The following ASZ1 variants were observed in gnomAD, a reference collection of about 807,000 sequenced individuals.
The protein encoded by ASZ1 is ankyrin repeat, SAM and basic leucine zipper domain containing 1.
In ASZ1, 67 loss-of-function variants were observed where a neutral mutation model predicts 61.8. That is an observed-to-expected ratio of 1.08 (90% CI 0.89 to 1.33). The LOEUF (loss-of-function observed/expected upper bound fraction) is 1.33, where lower values mean the gene tolerates loss of function less well. Ranked by LOEUF, ASZ1 falls within the 40% of genes most tolerant of loss-of-function variation. ASZ1 has a pLI of 0.00. For missense variants in ASZ1, 577 were observed against 554.5 expected (o/e 1.04, Z -0.41); for synonymous variants, 193 against 192.7 (o/e 1.00, Z -0.01).
intron 5 of ASZ1, among the ~76,000 whole-genome samples, 187 bp from the exon 6 acceptor site, chr7:117,385,047 T>A (rs1180647853): frequency 6.6e-6 from 1 of 152,194 alleles, no homozygotes; most frequent in Non-Finnish European, 1.5e-5. Context: ...CAAAGCTGAC[T>A]GCAAAGCTCA....
chr7:117,385,233 T>G (rs919411671), intron 5 of ASZ1, among the ~76,000 whole-genome samples: 5 of 151,518 alleles, frequency 3.3e-5, no homozygotes, highest in Non-Finnish European at 7.4e-5. Context: ...ACTACGAGAG[T>G]CAGTTAATTC....
chr7:117,368,467 T>C (rs1262016518), intron 11 of ASZ1, 145 bp downstream of exon 11: 48 of 1,388,464 alleles, frequency 3.5e-5, no homozygotes, highest in Non-Finnish European at 4.4e-5. Context: ...ATTAAACAAA[T>C]TGACTTATTT....
chr7:117,413,297 C>T (rs1246260543), intron 4 of ASZ1, among the ~76,000 whole-genome samples: 45 of 151,968 alleles, frequency 3.0e-4, no homozygotes, highest in Non-Finnish European at 1.5e-5. Flanking sequence ...TTGAAAGGCA[C>T]TTAAATACTT....
At chr7:117,377,738 A>G (rs1262809135) in intron 10 of ASZ1, among the ~76,000 whole-genome samples, 2 of 152,132 alleles carry the variant, frequency 1.3e-5, no homozygotes, top group Non-Finnish European at 2.9e-5. Context: ...TAGAAGAGCC[A>G]AGATGATTTT....
At chr7:117,385,157 T>C (rs541614230) in intron 5 of ASZ1, among the ~76,000 whole-genome samples, 1 of 152,330 alleles carries the variant, frequency 6.6e-6, no homozygotes, top group East Asian at 1.9e-4. Flanking sequence ...AAAATAATTC[T>C]TATGTATATT....
intron 4 of ASZ1, among the ~76,000 whole-genome samples, chr7:117,405,458 G>A (rs1027350080): frequency 8.5e-5 from 13 of 152,170 alleles, no homozygotes; most frequent in Non-Finnish European, 1.8e-4. Context: ...CTATCACAGC[G>A]TGGGCATGTG....
chr7:117,382,769 A>T (rs902210647), intron 7 of ASZ1, among the ~76,000 whole-genome samples: 1 of 152,148 alleles, frequency 6.6e-6, no homozygotes, highest in Non-Finnish European at 1.5e-5. Context: ...TATCTTACTT[A>T]AAGTTTACAT....
intron 5 of ASZ1, 73 bp from the exon 6 acceptor site, chr7:117,384,933 C>T: frequency 7.5e-7 from 1 of 1,329,300 alleles, no homozygotes; most frequent in African/African-American, 1.5e-5. Context: ...AAGTTTTCAA[C>T]AGTATTTATG....
At chr7:117,422,955 G>C (rs970422867) in intron 2 of ASZ1, among the ~76,000 whole-genome samples, 1 of 152,120 alleles carries the variant, frequency 6.6e-6, no homozygotes, top group African/African-American at 2.4e-5. Context: ...TATTGAGAAT[G>C]GGACAGGAGG....
chr7:117,419,200 G>A (rs1797054504), intron 4 of ASZ1, among the ~76,000 whole-genome samples: 1 of 152,002 alleles, frequency 6.6e-6, no homozygotes, highest in Admixed American at 6.6e-5. Flanking sequence ...GTATTTCTCA[G>A]GTATAACAAT....
chr7:117,366,327 A>C (rs1795935553), intron 12 of ASZ1, among the ~76,000 whole-genome samples: 1 of 152,186 alleles, frequency 6.6e-6, no homozygotes, highest in African/African-American at 2.4e-5. Flanking sequence ...ACAATTTATT[A>C]ATACTTGGAA....
intron 2 of ASZ1, among the ~76,000 whole-genome samples, chr7:117,423,152 C>T (rs888792181): frequency 1.3e-4 from 19 of 151,982 alleles, no homozygotes; most frequent in African/African-American, 4.6e-4. Flanking sequence ...CTTGGACAAT[C>T]GAATGACAAG....
chr7:117,426,823 C>T lies in ASZ1; in HGVS notation c.205+13G>A. ...ACAGCTGTGTTCAGATGAAACTGTCCCTTATCTCTCACCAGAATCTAGGAG... is the reference window on the plus strand; with the variant it reads ...ACAGCTGTGTTCAGATGAAACTGTCTCTTATCTCTCACCAGAATCTAGGAG... On this transcript the variant is annotated intron_variant, in intron 2 of 12. Coordinates refer to ENST00000284629, the MANE Select transcript of ASZ1 (RefSeq NM_130768.3). 6.3e-7 allele frequency: 1 copy of T among 1,586,978 alleles called. No homozygotes were observed. Among genetic ancestry groups the T allele is most frequent in the South Asian group, 1.2e-5 (1 of 85,842 alleles).
chr7:117,412,039 A>AGTGTGTATGTAT (rs561983723), intron 4 of ASZ1, among the ~76,000 whole-genome samples: 3,378 of 128,398 alleles, frequency 0.026, 47 homozygotes, highest in East Asian at 0.073. Context: ...AGTGAAAAGA[A>AGTGTGTATGTAT]GTGTGTGTGT....
At chr7:117,400,097 T>A (rs1027270712) in intron 4 of ASZ1, among the ~76,000 whole-genome samples, 2 of 152,240 alleles carry the variant, frequency 1.3e-5, no homozygotes, top group Non-Finnish European at 2.9e-5. Flanking sequence ...CACGTCTCTG[T>A]ACTGGGGTAA....
intron 6 of ASZ1, among the ~76,000 whole-genome samples, chr7:117,384,282 T>C (rs1796307480): frequency 6.6e-6 from 1 of 152,116 alleles, no homozygotes; most frequent in Non-Finnish European, 1.5e-5. Context: ...GTAAGCCCTG[T>C]CACACATATA....
chr7:117,367,758 A>G (rs1795971048), intron 11 of ASZ1: 2 of 957,554 alleles, frequency 2.1e-6, no homozygotes, highest in Non-Finnish European at 1.3e-6. Flanking sequence ...AAAAATGATG[A>G]TTCTCATATT....
At chr7:117,401,648 C>A (rs1796683755) in intron 4 of ASZ1, among the ~76,000 whole-genome samples, 1 of 152,242 alleles carries the variant, frequency 6.6e-6, no homozygotes, top group East Asian at 1.9e-4. Context: ...TTGTAAAAAG[C>A]ATTTATGTTA....
chr7:117,427,398 C>T lies in ASZ1; in HGVS notation c.63G>A (p.Glu21=). The T allele has an allele frequency of 6.2e-7, 1 of 1,614,222 alleles. No homozygotes were observed. The highest frequency in any genetic ancestry group is 8.5e-7 in the Non-Finnish European group (1 of 1,180,022). The change falls in exon 1 of 13, where the codon GAG becomes GAA. Residue 21 remains glutamate, a synonymous_variant. Transcript: ENST00000284629. ...GATACCCAATCTCCCAGCCATCATC[C>T]TCGCTCTCGCTACTCTCGCCTCCGC... ...VAGGGESSES[E]DDGWEIGYLD...
Sources: gnomAD v4.1 joint callset for allele counts (sites outside exome capture counted in the v4.1 genomes callset) on GRCh38, gnomAD v4.1.1 for gene constraint, MANE v1.5 for transcripts, NCBI Gene and HGNC (gene_info 2026-07-23, HGNC 2026-07-21) for gene names.